The following LRRTM4 variants were observed in gnomAD, a reference collection of about 807,000 sequenced individuals.
The protein encoded by LRRTM4 is leucine rich repeat transmembrane neuronal 4, also known as leucine-rich repeat transmembrane neuronal protein 4.
A neutral mutation model predicts 47.6 loss-of-function variants in LRRTM4; 25 were observed. The ratio of observed to expected loss-of-function variants is 0.53; its 90% CI spans 0.38 to 0.73. The LOEUF (loss-of-function observed/expected upper bound fraction) is 0.73, where lower values mean the gene tolerates loss of function less well. Among genes scored for constraint, LRRTM4 ranks in the 30% least tolerant of loss-of-function variants. LRRTM4 has a pLI of 0.00. For missense variants in LRRTM4, 638 were observed against 713.4 expected (o/e 0.89, Z 1.20); for synonymous variants, 311 against 269.5 (o/e 1.15, Z -1.51).
intron 3 of LRRTM4, chr2:76,989,889 C>G (rs77595770): frequency 6.6e-6 from 1 of 151,700 alleles, no homozygotes; most frequent in African/African-American, 2.4e-5. Flanking sequence ...ATGATAGAAG[C>G]TAATTGTGAT....
chr2:77,514,724 T>G (rs1359847954), intron 3 of LRRTM4, among the ~76,000 whole-genome samples: 2 of 151,924 alleles, frequency 1.3e-5, no homozygotes, highest in African/African-American at 4.8e-5. Context: ...CAATTTAACT[T>G]TTTTTAATGT....
intron 3 of LRRTM4, among the ~76,000 whole-genome samples, chr2:77,026,444 G>A (rs1168619293): frequency 6.6e-6 from 1 of 152,024 alleles, no homozygotes; most frequent in Non-Finnish European, 1.5e-5. Context: ...TCATGGGAGT[G>A]GTTGTCTCAT....
intron 3 of LRRTM4, among the ~76,000 whole-genome samples, chr2:77,015,906 C>T (rs758683592): frequency 1.3e-5 from 2 of 151,906 alleles, no homozygotes; most frequent in Non-Finnish European, 2.9e-5. Flanking sequence ...TACTTGAGGT[C>T]AGGAGTTCGA....
At chr2:76,900,157 C>G (rs1169980974) in intron 3 of LRRTM4, among the ~76,000 whole-genome samples, 4 of 152,042 alleles carry the variant, frequency 2.6e-5, no homozygotes, top group Admixed American at 1.3e-4. Context: ...TGGCTTGAAT[C>G]TGGGAAGCAC....
chr2:77,035,095 G>A (rs1678789293), intron 3 of LRRTM4, among the ~76,000 whole-genome samples: 1 of 150,372 alleles, frequency 6.7e-6, no homozygotes, highest in East Asian at 2.0e-4. Flanking sequence ...TAAGTTCTAG[G>A]GTACATGCGC....
intron 3 of LRRTM4, among the ~76,000 whole-genome samples, chr2:77,284,184 A>C (rs553770432): frequency 6.6e-6 from 1 of 152,202 alleles, no homozygotes; most frequent in African/African-American, 2.4e-5. Context: ...CATATATCCC[A>C]AATATTTCCT....
chr2:76,779,010 C>T (rs143113127), intron 3 of LRRTM4, among the ~76,000 whole-genome samples: 84,243 of 124,078 alleles, frequency 0.68, 30,023 homozygotes, highest in African/African-American at 0.85. Context: ...GCCTTCATTT[C>T]GTTATGTACC....
At chr2:77,175,624 C>T (rs944129451) in intron 3 of LRRTM4, among the ~76,000 whole-genome samples, 1 of 152,194 alleles carries the variant, frequency 6.6e-6, no homozygotes, top group Admixed American at 6.6e-5. Context: ...TCCACCTTCT[C>T]ACCACCTGTT....
chr2:77,385,398 C>A (rs1476916333), intron 3 of LRRTM4, among the ~76,000 whole-genome samples: 3 of 152,114 alleles, frequency 2.0e-5, no homozygotes, highest in Non-Finnish European at 4.4e-5. Context: ...ATTTTCCAAG[C>A]AGATTCACTG....
chr2:77,281,064 A>T (rs1022866600), intron 3 of LRRTM4, among the ~76,000 whole-genome samples: 5 of 151,968 alleles, frequency 3.3e-5, no homozygotes, highest in Admixed American at 6.6e-5. Flanking sequence ...GCAGAGTTGT[A>T]TCTGTTTTTT....
At chr2:77,015,201 A>G (rs1327793150) in intron 3 of LRRTM4, among the ~76,000 whole-genome samples, 3 of 152,154 alleles carry the variant, frequency 2.0e-5, no homozygotes, top group African/African-American at 7.2e-5. Context: ...CCTACCCTAG[A>G]GATTTCAGAC....
intron 3 of LRRTM4, among the ~76,000 whole-genome samples, chr2:77,028,145 T>C (rs1573470358): frequency 2.0e-5 from 3 of 152,150 alleles, no homozygotes; most frequent in Non-Finnish European, 2.9e-5. Context: ...AAAAATTCAG[T>C]TGGAAAAAGT....
chr2:77,144,886 A>G (rs1243719149), intron 3 of LRRTM4, among the ~76,000 whole-genome samples: 2 of 152,210 alleles, frequency 1.3e-5, no homozygotes, highest in East Asian at 3.8e-4. Flanking sequence ...GAAAATTGTT[A>G]CTCTCAAGAT....
At chr2:76,876,247 T>C (rs1489114896) in intron 3 of LRRTM4, among the ~76,000 whole-genome samples, 1 of 152,180 alleles carries the variant, frequency 6.6e-6, no homozygotes, top group African/African-American at 2.4e-5. Context: ...ATAATGTTCT[T>C]TTATAATATC....
intron 3 of LRRTM4, among the ~76,000 whole-genome samples, chr2:77,244,764 G>GT (rs1270245713): frequency 1.3e-5 from 2 of 152,142 alleles, no homozygotes; most frequent in African/African-American, 4.8e-5. Flanking sequence ...CCCTTTCTCA[G>GT]TCTGATGAAA....
At position 76,795,061 on chromosome 2, in the gene LRRTM4, A is replaced by G. The variant is rs6731461; in HGVS notation, c.1552-46145T>C. On this transcript the variant is annotated intron_variant, in intron 3 of 3. Transcript: ENST00000409884. ...ACTTCTGTATGGCAGATAGTAAGCTAAAGTAAAAATACCTTTAACATAGAC... is the reference window on the plus strand; with the variant it reads ...ACTTCTGTATGGCAGATAGTAAGCTGAAGTAAAAATACCTTTAACATAGAC... 1.3e-3 allele frequency among the ~76,000 whole-genome samples: 198 copies of G among 152,332 alleles called. 1 individual carries two copies. The highest frequency in any genetic ancestry group is 4.6e-3 in the African/African-American group (192 of 41,574).
intron 3 of LRRTM4, among the ~76,000 whole-genome samples, chr2:76,890,883 A>G (rs1474532855): frequency 6.6e-6 from 1 of 151,890 alleles, no homozygotes; most frequent in East Asian, 1.9e-4. Context: ...TAGGAATAAA[A>G]TAAGGGTACA....
At chr2:77,422,951 A>G (rs904732449) in intron 3 of LRRTM4, among the ~76,000 whole-genome samples, 4 of 152,108 alleles carry the variant, frequency 2.6e-5, no homozygotes, top group Non-Finnish European at 4.4e-5. Context: ...AAGGGAAAAA[A>G]CATATAATGA....
rs556368379 is a variant in LRRTM4 at position 77,038,115 on chromosome 2, A to G, written c.1552-289199T>C. 2.7e-3 allele frequency among the ~76,000 whole-genome samples: 410 copies of G among 151,762 alleles called. 3 individuals are homozygous for G. Among genetic ancestry groups the G allele is most frequent in the African/African-American group, 9.5e-3 (393 of 41,520 alleles). On this transcript the variant is annotated intron_variant, in intron 3 of 3. Coordinates refer to ENST00000409884, the MANE Select transcript of LRRTM4 (RefSeq NM_001134745.3). ...TCTTCCTAAATATTTATTGATGAAT[A>G]TCTACTATATTTCCAAGGAAAATCT...
Sources: gnomAD v4.1 joint callset for allele counts (sites outside exome capture counted in the v4.1 genomes callset) on GRCh38, gnomAD v4.1.1 for gene constraint, MANE v1.5 for transcripts, NCBI Gene and HGNC (gene_info 2026-07-23, HGNC 2026-07-21) for gene names.